The following SLC24A2 variants were observed in gnomAD, a reference collection of about 807,000 sequenced individuals.
SLC24A2 encodes sodium/potassium/calcium exchanger 2.
SLC24A2 carries 36 observed loss-of-function variants against 62.0 expected under a neutral mutation model. That is an observed-to-expected ratio of 0.58 (90% CI 0.44 to 0.77). The LOEUF is 0.77. SLC24A2 is among the 30% of genes least tolerant of loss of function. SLC24A2 has a pLI of 0.00. For synonymous variants in SLC24A2, 358 were observed against 294.0 expected, an observed-to-expected ratio of 1.22 and a Z score of -2.23; for missense variants, 846 against 817.9, an observed-to-expected ratio of 1.03 and a Z score of -0.42.
the SLC24A2 span, among the ~76,000 whole-genome samples, chr9:19,870,671 G>T: frequency 1.3e-5 from 2 of 151,990 alleles, no homozygotes; most frequent in East Asian, 3.9e-4. Flanking sequence ...ACCAGTACTT[G>T]TTATTTTCCG....
At position 19,580,593 on chromosome 9, in the gene SLC24A2, T is replaced by C. The variant is rs559634454; in HGVS notation, c.1130-3571A>G. On this transcript the variant is annotated intron_variant, in intron 5 of 10. Transcript: ENST00000341998. ...AGGAAGACATGGCATTTTCAGGATC[T>C]GTTCATTCCCAAGTCACAAACTGTG... is the stretch of plus-strand genomic sequence containing the variant. Among the ~76,000 whole-genome samples, 277 of 152,382 alleles carry C rather than the reference T, an allele frequency of 1.8e-3. 1 individual carries two copies. The highest frequency in any genetic ancestry group is 1.1e-3 in the Non-Finnish European group (78 of 68,038).
chr9:19,830,467 G>A, the SLC24A2 span, among the ~76,000 whole-genome samples: 45 of 152,116 alleles, frequency 3.0e-4, no homozygotes, highest in Non-Finnish European at 1.2e-4. Flanking sequence ...TTACAAATCA[G>A]GAAGCTGACT....
chr9:19,999,736 G>A, the SLC24A2 span, among the ~76,000 whole-genome samples: 499 of 152,220 alleles, frequency 3.3e-3, 4 homozygotes, highest in African/African-American at 0.012. Context: ...GGAATTACAG[G>A]GCTGACCTCC....
chr9:19,507,685 G>A lies in SLC24A2; in HGVS notation c.*8468C>T, dbSNP rs1018058201. Reference sequence around the variant, plus strand: ...CTGTCTATGTACAGACATATTCACAGAGAATAAACTGACATAGTATCACCA... The same window carrying A: ...CTGTCTATGTACAGACATATTCACAAAGAATAAACTGACATAGTATCACCA... On this transcript the variant is annotated 3_prime_UTR_variant, in exon 11 of 11. Transcript: ENST00000341998. 1 of 152,204 alleles carries A rather than the reference G, an allele frequency of 6.6e-6. No individual in the cohort carries two copies. The highest frequency in any genetic ancestry group is 2.4e-5 in the African/African-American group (1 of 41,446). 9.4% of individuals were successfully genotyped at this position (152,204 alleles called of 1,614,324 possible). A position where few individuals can be genotyped will look rare whatever the true frequency, so the allele number is the denominator to read the frequency against.
the SLC24A2 span, among the ~76,000 whole-genome samples, chr9:20,130,329 T>G: frequency 4.6e-5 from 7 of 151,282 alleles, no homozygotes; most frequent in Admixed American, 2.6e-4. Flanking sequence ...CTCGGTGTTA[T>G]GAAAAAAATA....
At chr9:20,182,500 C>G in the SLC24A2 span, among the ~76,000 whole-genome samples, 1 of 152,176 alleles carries the variant, frequency 6.6e-6, no homozygotes, top group Non-Finnish European at 1.5e-5. Context: ...ATGGATGAAG[C>G]TGGAAACCAT....
At chr9:20,289,533 T>C in the SLC24A2 span, among the ~76,000 whole-genome samples, 2 of 152,208 alleles carry the variant, frequency 1.3e-5, no homozygotes, top group Non-Finnish European at 2.9e-5. Flanking sequence ...GAGTCTCGGT[T>C]CTCTCATTGT....
chr9:19,811,653 G>A, the SLC24A2 span, among the ~76,000 whole-genome samples: 2 of 151,838 alleles, frequency 1.3e-5, no homozygotes, highest in Non-Finnish European at 2.9e-5. Flanking sequence ...TTTTTTCAGA[G>A]GTTAATTTCA....
chr9:19,721,068 T>C (rs934648180), intron 2 of SLC24A2, among the ~76,000 whole-genome samples: 4 of 152,148 alleles, frequency 2.6e-5, no homozygotes, highest in South Asian at 2.1e-4. Context: ...TTTAACTCTA[T>C]GGTAACAATT....
the SLC24A2 span, among the ~76,000 whole-genome samples, chr9:20,182,682 C>T: frequency 2.8e-4 from 42 of 152,106 alleles, no homozygotes; most frequent in African/African-American, 9.9e-4. Flanking sequence ...ATACCTAATG[C>T]AAATGACGAG....
the SLC24A2 span, among the ~76,000 whole-genome samples, chr9:20,176,909 T>TGAGGTGGGTGAG: frequency 6.6e-6 from 1 of 151,384 alleles, no homozygotes; most frequent in African/African-American, 2.4e-5. Context: ...ATCTAAAGTG[T>TGAGGTGGGTGAG]GAGGATGGAG....
the SLC24A2 span, among the ~76,000 whole-genome samples, chr9:19,872,555 G>T: frequency 6.6e-6 from 1 of 152,102 alleles, no homozygotes; most frequent in Admixed American, 6.5e-5. Context: ...GTCTCATACG[G>T]CTCTGAGAGG....
chr9:20,051,131 A>G, the SLC24A2 span, among the ~76,000 whole-genome samples: 1 of 152,136 alleles, frequency 6.6e-6, no homozygotes, highest in Non-Finnish European at 1.5e-5. Flanking sequence ...ATATTTTGTT[A>G]ACAAGTAACA....
At chr9:19,932,906 G>A in the SLC24A2 span, among the ~76,000 whole-genome samples, 1,976 of 152,250 alleles carry the variant, frequency 0.013, 47 homozygotes, top group African/African-American at 0.045. Flanking sequence ...CGTCATCACT[G>A]GTTTCACCCT....
At chr9:19,621,696 C>G (rs773830530) in intron 3 of SLC24A2, among the ~76,000 whole-genome samples, 7 of 152,074 alleles carry the variant, frequency 4.6e-5, no homozygotes, top group Non-Finnish European at 7.4e-5. Context: ...AATAATAACT[C>G]GTCATAACTA....
rs995254571 is a variant in SLC24A2, at chr9:19,520,877, G to T, written c.1736+17C>A. 6.2e-7 allele frequency: 1 copy of T among 1,612,866 alleles called. No homozygotes were observed. The highest frequency in any genetic ancestry group is 1.7e-5 in the Admixed American group (1 of 59,998). On this transcript the variant is annotated intron_variant, in intron 10 of 10. Coordinates refer to ENST00000341998, the MANE Select transcript of SLC24A2 (RefSeq NM_020344.4). ...GGTGGAGCTGGTGCACACCTTTGTA[G>T]AACTACCTCTACTCACCCTACAGTG... is the stretch of plus-strand genomic sequence containing the variant.
chr9:20,260,845 CTTTCTT>C, the SLC24A2 span, among the ~76,000 whole-genome samples: 6 of 110,540 alleles, frequency 5.4e-5, no homozygotes, highest in East Asian at 1.1e-3. Context: ...ACGTATCATT[CTTTCTT>C]TTTTTTTTTT....
the SLC24A2 span, among the ~76,000 whole-genome samples, chr9:20,104,512 G>A: frequency 0.11 from 16,937 of 152,176 alleles, 1,001 homozygotes; most frequent in Middle Eastern, 0.17. Context: ...CAGCAGAAAC[G>A]CTACAAGCCA....
chr9:19,933,110 G>C, the SLC24A2 span, among the ~76,000 whole-genome samples: 2 of 152,292 alleles, frequency 1.3e-5, no homozygotes, highest in East Asian at 1.9e-4. Context: ...AAAATTCCCA[G>C]GTTCTAGGAG....
Sources: gnomAD v4.1 joint callset for allele counts (sites outside exome capture counted in the v4.1 genomes callset) on GRCh38, gnomAD v4.1.1 for gene constraint, MANE v1.5 for transcripts, NCBI Gene and HGNC (gene_info 2026-07-23, HGNC 2026-07-21) for gene names.